Variants in CNTN5 observed in about 807,000 individuals in gnomAD.
CNTN5 encodes the protein contactin-5.
Under a neutral mutation model 129.1 loss-of-function variants are expected in CNTN5, and 77 were observed. The ratio of observed to expected loss-of-function variants is 0.60; its 90% CI spans 0.50 to 0.72. The LOEUF (loss-of-function observed/expected upper bound fraction) is 0.72. CNTN5 is among the 30% of genes least tolerant of loss of function. CNTN5 has a pLI of 0.00. For synonymous variants in CNTN5, 509 were observed against 465.6 expected, an observed-to-expected ratio of 1.09 and a Z score of -1.20; for missense variants, 1,478 against 1,328.8, an observed-to-expected ratio of 1.11 and a Z score of -1.75.
chr11:99,622,665 CAG>C (rs1324010206), intron 3 of CNTN5, among the ~76,000 whole-genome samples: 5 of 152,020 alleles, frequency 3.3e-5, no homozygotes, highest in East Asian at 3.9e-4. Context: ...TGCTAATTAA[CAG>C]AGATGGTAAT....
intron 6 of CNTN5, among the ~76,000 whole-genome samples, chr11:99,868,321 C>T (rs1218505012): frequency 1.3e-5 from 2 of 151,668 alleles, no homozygotes; most frequent in Non-Finnish European, 2.9e-5. Flanking sequence ...GTAAACAGAG[C>T]TTAAGCCAAC....
chr11:99,225,536 A>G (rs375864379), intron 1 of CNTN5, among the ~76,000 whole-genome samples: 140 of 152,228 alleles, frequency 9.2e-4, no homozygotes, highest in South Asian at 2.1e-3. Flanking sequence ...AAATCCGCCT[A>G]TCTGTTGGAT....
intron 2 of CNTN5, among the ~76,000 whole-genome samples, chr11:99,505,623 C>A (rs1946590055): frequency 6.6e-6 from 1 of 152,168 alleles, no homozygotes; most frequent in South Asian, 2.1e-4. Context: ...TTCCTAATTA[C>A]CTTCTTGTTT....
rs192910503 is a variant in CNTN5, at chr11:100,281,757, A to T, written c.2314+10516A>T. ...TTTGAGGCTATTTTCTAAATCTTGT[A>T]GGTGTGCTTCATTATTCTTTTTTCT... On this transcript the variant is annotated intron_variant, in intron 18 of 24. Coordinates refer to ENST00000524871, the MANE Select transcript of CNTN5 (RefSeq NM_014361.4). Among the ~76,000 whole-genome samples, 714 of 152,246 alleles carry T rather than the reference A, an allele frequency of 4.7e-3. 9 individuals carry two copies. The highest frequency in any genetic ancestry group is 0.016 in the African/African-American group (672 of 41,544).
rs569263446 is a variant in CNTN5 at position 99,465,197 on chromosome 11, T to C, written c.-70-90948T>C. Among the ~76,000 whole-genome samples the C allele has an allele frequency of 5.3e-4, 80 of 152,328 alleles. No individual in the cohort carries two copies. The Middle Eastern group carries it at 0.01, about 19-fold the overall frequency. On this transcript the variant is annotated intron_variant, in intron 2 of 24. Coordinates refer to ENST00000524871, the MANE Select transcript of CNTN5 (RefSeq NM_014361.4). Reference sequence around the variant, plus strand: ...GTCAGGTTGGAAACTGGCTAATAAATACTTCACCTATTTGTTTCCCTTCTC... The same window carrying C: ...GTCAGGTTGGAAACTGGCTAATAAACACTTCACCTATTTGTTTCCCTTCTC...
At chr11:99,252,780 T>A (rs1399231892) in intron 1 of CNTN5, among the ~76,000 whole-genome samples, 2 of 152,074 alleles carry the variant, frequency 1.3e-5, no homozygotes, top group African/African-American at 4.8e-5. Context: ...TGAATTGATA[T>A]TTCTTTATAT....
chr11:100,155,936 C>T (rs1947225948), intron 13 of CNTN5, among the ~76,000 whole-genome samples: 1 of 152,090 alleles, frequency 6.6e-6, no homozygotes, highest in South Asian at 2.1e-4. Context: ...AATATATAAT[C>T]TTGTCATCTG....
chr11:99,961,928 T>A (rs982190303), intron 8 of CNTN5, among the ~76,000 whole-genome samples: 3 of 152,070 alleles, frequency 2.0e-5, no homozygotes, highest in African/African-American at 7.2e-5. Context: ...TCAGGGGAAC[T>A]CACACCAACT....
chr11:99,432,296 G>A (rs1051319186), intron 2 of CNTN5, among the ~76,000 whole-genome samples: 1 of 152,086 alleles, frequency 6.6e-6, no homozygotes, highest in Non-Finnish European at 1.5e-5. Flanking sequence ...AGACAATTAA[G>A]AGATATAAAT....
At chr11:100,170,258 GAC>G (rs1482270904) in intron 13 of CNTN5, among the ~76,000 whole-genome samples, 12 of 151,942 alleles carry the variant, frequency 7.9e-5, no homozygotes, top group African/African-American at 2.4e-4. Flanking sequence ...AAAAGCTTGT[GAC>G]AGTCTGTCTA....
chr11:99,187,743 T>A (rs1442894070), intron 1 of CNTN5, among the ~76,000 whole-genome samples: 2 of 151,904 alleles, frequency 1.3e-5, no homozygotes. Context: ...AATTTTTGTG[T>A]GATATCACTA....
intron 21 of CNTN5, among the ~76,000 whole-genome samples, chr11:100,327,533 G>C (rs1364172397): frequency 6.6e-6 from 1 of 152,088 alleles, no homozygotes; most frequent in Non-Finnish European, 1.5e-5. Flanking sequence ...AGTTAGATCT[G>C]TATCAATATA....
intron 1 of CNTN5, among the ~76,000 whole-genome samples, chr11:99,041,329 A>C (rs974533073): frequency 1.3e-4 from 20 of 151,954 alleles, no homozygotes; most frequent in Non-Finnish European, 2.9e-5. Context: ...CATTTCTATC[A>C]CCTTCTTTCT....
chr11:99,568,768 A>G (rs1012830699), intron 3 of CNTN5, among the ~76,000 whole-genome samples: 6 of 152,224 alleles, frequency 3.9e-5, no homozygotes, highest in Non-Finnish European at 8.8e-5. Context: ...TAAATGCCAT[A>G]TATTTTCTGT....
chr11:99,970,150 C>G (rs1839744972), intron 8 of CNTN5, among the ~76,000 whole-genome samples: 1 of 152,082 alleles, frequency 6.6e-6, no homozygotes, highest in South Asian at 2.1e-4. Context: ...CCTTTCTTCC[C>G]ACTTCTAATT....
At chr11:100,174,386 A>G (rs975450897) in intron 13 of CNTN5, among the ~76,000 whole-genome samples, 3 of 152,116 alleles carry the variant, frequency 2.0e-5, no homozygotes, top group Non-Finnish European at 2.9e-5. Flanking sequence ...TATAAAATAA[A>G]CAATTGTATG....
intron 1 of CNTN5, among the ~76,000 whole-genome samples, chr11:99,063,019 A>G (rs982607778): frequency 2.0e-5 from 3 of 152,260 alleles, no homozygotes; most frequent in Admixed American, 1.3e-4. Context: ...CAACATCACA[A>G]TGACAACCAA....
chr11:99,320,055 C>G (rs917847379), intron 1 of CNTN5, among the ~76,000 whole-genome samples: 1 of 152,108 alleles, frequency 6.6e-6, no homozygotes, highest in African/African-American at 2.4e-5. Flanking sequence ...GCCTGGCCAA[C>G]ATAGTGAAAC....
chr11:99,577,871 A>C, intron 3 of CNTN5, among the ~76,000 whole-genome samples: 1 of 151,770 alleles, frequency 6.6e-6, no homozygotes, highest in Non-Finnish European at 1.5e-5. Context: ...GTACATGTGC[A>C]CAACGTGCAG....
Sources: allele counts gnomAD v4.1 joint callset (sites outside exome capture counted in the v4.1 genomes callset), GRCh38; gene constraint gnomAD v4.1.1; transcripts MANE v1.5; gene names NCBI Gene and HGNC (gene_info 2026-07-23, HGNC 2026-07-21).